The following PDXK variants were observed in gnomAD, a reference collection of about 807,000 sequenced individuals.
The protein encoded by PDXK is epididymis secretory sperm binding protein Li 1a.
PDXK carries 15 observed loss-of-function variants against 43.2 expected under a neutral mutation model. The ratio of observed to expected loss-of-function variants is 0.35; its 90% CI spans 0.23 to 0.53. The LOEUF is 0.53. PDXK is among the 20% of genes least tolerant of loss of function. PDXK has a pLI of 0.92. For synonymous variants in PDXK, 172 were observed against 165.4 expected (o/e 1.04, Z -0.31); for missense variants, 343 against 417.0 (o/e 0.82, Z 1.54).
At chr21:43,736,204 C>T (rs2083398685) in intron 2 of PDXK, among the ~76,000 whole-genome samples, 1 of 152,218 alleles carries the variant, frequency 6.6e-6, no homozygotes, top group Non-Finnish European at 1.5e-5. Context: ...CTCCAGGAAG[C>T]ATTTTACTGG....
At chr21:43,729,148 G>A (rs2083286293) in intron 1 of PDXK, 2 of 365,106 alleles carry the variant, frequency 5.5e-6, no homozygotes, top group Non-Finnish European at 7.6e-6. Flanking sequence ...GGTGCTTGGC[G>A]CTTGTTTACG....
chr21:43,753,677 C>G lies in PDXK; in HGVS notation c.717C>G (p.Ala239=). The change falls in exon 9 of 11, where the codon GCC becomes GCG. Residue 239 remains alanine (A), a synonymous_variant. Coordinates refer to ENST00000291565, the MANE Select transcript of PDXK (RefSeq NM_003681.5). ...TGGGCACTGGGGACCTGTTTGCTGCCATGCTCCTGGCGTGGACACACAAGC... is the reference window on the plus strand; with the variant it reads ...TGGGCACTGGGGACCTGTTTGCTGCGATGCTCCTGGCGTGGACACACAAGC... ...VFVGTGDLFA[A]MLLAWTHKHP... The G allele has an allele frequency of 6.2e-7, 1 of 1,613,706 alleles. No individual in the cohort carries two copies. Among genetic ancestry groups the G allele is most frequent in the Non-Finnish European group, 8.5e-7 (1 of 1,179,788 alleles).
intron 1 of PDXK, among the ~76,000 whole-genome samples, chr21:43,728,224 G>A (rs2083273341): frequency 1.3e-5 from 2 of 152,202 alleles, no homozygotes; most frequent in Admixed American, 6.5e-5. Context: ...AAAGGACATG[G>A]TTGATGTGGA....
intron 2 of PDXK, among the ~76,000 whole-genome samples, chr21:43,740,567 CCT>C (rs1485965830): frequency 3.9e-5 from 6 of 151,956 alleles, no homozygotes; most frequent in African/African-American, 1.4e-4. Flanking sequence ...ATGGCTGCCC[CCT>C]GAGCAGTGCT....
chr21:43,728,128 C>G (rs1029718720), intron 1 of PDXK, among the ~76,000 whole-genome samples: 1 of 152,138 alleles, frequency 6.6e-6, no homozygotes, highest in Non-Finnish European at 1.5e-5. Context: ...AAGGCTGAGG[C>G]AGGGGTGGGT....
rs2083534048 is a variant in PDXK at position 43,741,669 on chromosome 21, T to C, written c.145T>C (p.Tyr49His). The C allele has an allele frequency of 1.2e-6, 2 of 1,612,054 alleles. No homozygotes were observed. Among genetic ancestry groups the C allele is most frequent in the African/African-American group, 1.3e-5 (1 of 74,842 alleles). Reference sequence around the variant, plus strand: ...CCCATGGCTTCCTCTGCCTCTAGGCTATGCCCACTGGAAGGGCCAAGTGCT... The same window carrying C: ...CCCATGGCTTCCTCTGCCTCTAGGCCATGCCCACTGGAAGGGCCAAGTGCT... ...NSVQFSNHTG[Y>H]AHWKGQVLNS... is the part of the protein sequence containing the mutation. Residue 49 changes from tyrosine to histidine, a missense_variant and splice_region_variant, in exon 3 of 11, where the codon TAT (tyrosine) becomes CAT (histidine). Transcript: ENST00000291565.
In PDXK at chr21:43,732,324, C is replaced by T; in HGVS notation, c.88-1745C>T. ...TCCCGTCCTGGACCTTGGCACCCCG[C>T]CCCCCGTGCATTGTCGTCTTCTGAG... On this transcript the variant is annotated intron_variant, in intron 1 of 10. Transcript: ENST00000291565. The surrounding 1 kb of genome is among the most constrained non-coding windows in gnomAD (Gnocchi z 4.1). 2 of 1,604,098 alleles carry T rather than the reference C, an allele frequency of 1.2e-6. No homozygotes were observed. The highest frequency in any genetic ancestry group is 1.7e-6 in the Non-Finnish European group (2 of 1,173,670).
intron 1 of PDXK, among the ~76,000 whole-genome samples, chr21:43,720,454 C>G (rs1012918237): frequency 6.6e-6 from 1 of 152,140 alleles, no homozygotes; most frequent in Non-Finnish European, 1.5e-5. Flanking sequence ...CCTAGGCGTG[C>G]CCCCAGGAGG....
rs200647993 is a variant in PDXK, at chr21:43,753,613, G to A, written c.653G>A (p.Arg218His). The A allele has an allele frequency of 3.1e-6, 5 of 1,613,102 alleles. No homozygotes were observed. The highest frequency in any genetic ancestry group is 2.2e-5 in the East Asian group (1 of 44,816). The change falls in exon 9 of 11, where the codon CGC becomes CAC. Residue 218 changes from arginine (R) to histidine (H), a missense_variant. By Grantham distance (29) the Arg-to-His change is conservative. Transcript: ENST00000291565. The stretch of plus-strand genomic sequence containing the variant: ...CCCGCTGGCTCCGTGGTGATGGAAC[G>A]CATCCGGATGGACATTCGCAAAGTG... ...RNPAGSVVME[R>H]IRMDIRKVDA...
chr21:43,753,850 G>T (rs572839808), intron 9 of PDXK, 131 bp downstream of exon 9: 2 of 1,070,084 alleles, frequency 1.9e-6, no homozygotes, highest in South Asian at 3.5e-5. Context: ...CCCCAGTTGT[G>T]GGGGAGGGCA....
intron 4 of PDXK, chr21:43,744,748 A>T (rs1182534011): frequency 6.6e-6 from 1 of 152,278 alleles, no homozygotes; most frequent in African/African-American, 2.4e-5. Flanking sequence ...CATGTGACCC[A>T]GCAATTCCGC....
In PDXK at chr21:43,737,162, C is replaced by G; in HGVS notation, c.142+3039C>G. ...TTCTGCCTGGGATGGGCCACAAAGC[C>G]AGACTCCCGGCAGGGACACGGGTGT... On this transcript the variant is annotated intron_variant, in intron 2 of 10. Transcript: ENST00000291565. The surrounding 1 kb of genome is among the most constrained non-coding windows in gnomAD (Gnocchi z 4.8). 6.9e-7 allele frequency: 1 copy of G among 1,456,606 alleles called. No homozygotes were observed. Among genetic ancestry groups the G allele is most frequent in the Non-Finnish European group, 9.1e-7 (1 of 1,096,364 alleles). The allele number at this position is 1,456,606 out of a possible 1,614,324, so 90.2% of individuals were successfully genotyped here.
At chr21:43,743,923 C>G in intron 4 of PDXK, 116 bp downstream of exon 4, 3 of 719,066 alleles carry the variant, frequency 4.2e-6, no homozygotes, top group Non-Finnish European at 7.4e-6. Context: ...CTCCGTGCCC[C>G]GCCTCTCCGG....
At chr21:43,730,348 A>G (rs927639109) in intron 1 of PDXK, among the ~76,000 whole-genome samples, 13 of 151,932 alleles carry the variant, frequency 8.6e-5, no homozygotes, top group Non-Finnish European at 1.5e-5. Flanking sequence ...CTGGTCTCGA[A>G]CTCCTGACCT....
Position 43,739,027 on chromosome 21 carries a change from G to T in PDXK, c.143-2640G>T, listed in dbSNP as rs562941170. On this transcript the variant is annotated intron_variant, in intron 2 of 10. Coordinates refer to ENST00000291565, the MANE Select transcript of PDXK (RefSeq NM_003681.5). Reference sequence around the variant, plus strand: ...CCACTCACTGCAAGCTCCACCCCCTGGGTTCATGCCATTCTCCTGCCTTAG... The same window carrying T: ...CCACTCACTGCAAGCTCCACCCCCTTGGTTCATGCCATTCTCCTGCCTTAG... Among the ~76,000 whole-genome samples the T allele has an allele frequency of 5.1e-4, 77 of 150,324 alleles. 1 individual carries two copies. Among genetic ancestry groups the T allele is most frequent in the Non-Finnish European group, 8.6e-4 (58 of 67,772 alleles).
intron 2 of PDXK, among the ~76,000 whole-genome samples, chr21:43,739,300 G>T (rs2083454621): frequency 6.6e-6 from 1 of 152,178 alleles, no homozygotes; most frequent in Admixed American, 6.5e-5. Context: ...TGGGATTACA[G>T]GCGTGAGCCA....
rs538514236 is a variant in PDXK, at chr21:43,733,507, T to A, written c.88-562T>A. The A allele has an allele frequency of 2.2e-4, 56 of 254,586 alleles. 1 individual carries two copies. Among genetic ancestry groups the A allele is most frequent in the Middle Eastern group, 3.8e-3 (2 of 528 alleles). The allele number at this position is 254,586 out of a possible 1,614,324, so 15.8% of individuals were successfully genotyped here. On this transcript the variant is annotated intron_variant, in intron 1 of 10. Transcript: ENST00000291565. ...CCCACTCCGTGGATTCCGTCCTTCC[T>A]CTCCATCTGTCTGGAACCCTCACCC...
In PDXK at chr21:43,761,541, A is replaced by T. The variant is rs1178839782; in HGVS notation, c.*5478A>T. 6.5e-6 allele frequency: 1 copy of T among 153,158 alleles called. No homozygotes were observed. The highest frequency in any genetic ancestry group is 1.5e-5 in the Non-Finnish European group (1 of 68,958). 9.5% of individuals were successfully genotyped at this position (153,158 alleles called of 1,614,324 possible). ...AAACCTGTCCTAAGTAAAACTATGG[A>T]CCTCGCCTCGCCCACCGGCCTGCGA... On this transcript the variant is annotated 3_prime_UTR_variant, in exon 11 of 11. Transcript: ENST00000291565.
At chr21:43,726,420 C>T (rs1250267916) in intron 1 of PDXK, among the ~76,000 whole-genome samples, 5 of 151,914 alleles carry the variant, frequency 3.3e-5, no homozygotes, top group East Asian at 1.9e-4. Flanking sequence ...GGACTACAGG[C>T]GCCCGCCACC....
Sources: allele counts gnomAD v4.1 joint callset (sites outside exome capture counted in the v4.1 genomes callset), GRCh38; gene constraint gnomAD v4.1.1; non-coding constraint Gnocchi (gnomAD v3.1); transcripts MANE v1.5; gene names NCBI Gene and HGNC (gene_info 2026-07-23, HGNC 2026-07-21).